TUT4: variants seen among roughly 807,000 people sequenced by gnomAD.
TUT4 encodes terminal uridylyltransferase 4.
Under a neutral mutation model 192.2 loss-of-function variants are expected in TUT4, and 36 were observed. The ratio of observed to expected loss-of-function variants is 0.19; its 90% confidence interval spans 0.14 to 0.25. The LOEUF is 0.25. Among genes scored for constraint, TUT4 ranks in the 10% least tolerant of loss-of-function variants. The pLI is 1.00. For synonymous variants in TUT4, 618 were observed against 666.0 expected, an observed-to-expected ratio of 0.93 and a Z score of 1.11; for missense variants, 1,493 against 1,957.2, an observed-to-expected ratio of 0.76 and a Z score of 4.47.
At chr1:52,461,415 CTTATACTGTTCACAT>C (rs1374170980) in intron 18 of TUT4, 83 bp downstream of exon 18, 1 of 1,302,670 alleles carries the variant, frequency 7.7e-7, no homozygotes, top group Non-Finnish European at 1.1e-6. Context: ...ATACTTTTTC[CTTATACTGTTCACAT>C]TTGAAAGTTT....
At chr1:52,535,645 C>T (rs866920371) in intron 1 of TUT4, among the ~76,000 whole-genome samples, 22 of 152,112 alleles carry the variant, frequency 1.4e-4, no homozygotes, top group Middle Eastern at 6.3e-3. Context: ...TCAGAAACTT[C>T]CCCAATCTGA....
chr1:52,525,232 A>G (rs934408203), intron 2 of TUT4, among the ~76,000 whole-genome samples: 4 of 152,218 alleles, frequency 2.6e-5, no homozygotes, highest in African/African-American at 9.6e-5. Flanking sequence ...ATATTTGGTG[A>G]ATGAATGAGC....
chr1:52,464,789 T>A (rs1663654186), intron 16 of TUT4, among the ~76,000 whole-genome samples: 1 of 152,148 alleles, frequency 6.6e-6, no homozygotes, highest in Admixed American at 6.5e-5. Flanking sequence ...AGTGAAAAAA[T>A]TCCAACTTCG....
At chr1:52,426,206 A>C (rs894412132) in intron 28 of TUT4, among the ~76,000 whole-genome samples, 1 of 152,112 alleles carries the variant, frequency 6.6e-6, no homozygotes, top group African/African-American at 2.4e-5. Flanking sequence ...TCTAAGCTCA[A>C]ATCTCATTTC....
At chr1:52,508,242 G>A (rs1026454930) in intron 4 of TUT4, among the ~76,000 whole-genome samples, 12 of 149,958 alleles carry the variant, frequency 8.0e-5, no homozygotes, top group Non-Finnish European at 1.8e-4. Context: ...CAGGGTAATC[G>A]CTTAAACCTG....
At chr1:52,544,535 T>A (rs1004153001) in intron 1 of TUT4, among the ~76,000 whole-genome samples, 5 of 152,030 alleles carry the variant, frequency 3.3e-5, no homozygotes, top group Non-Finnish European at 5.9e-5. Flanking sequence ...TCAAAATGGA[T>A]CAAAGACCTA....
intron 28 of TUT4, among the ~76,000 whole-genome samples, chr1:52,427,354 G>C (rs1650319427): frequency 6.6e-6 from 1 of 151,988 alleles, no homozygotes; most frequent in African/African-American, 2.4e-5. Flanking sequence ...CAAGCAGAAG[G>C]AACAACTTAG....
chr1:52,428,352 C>T (rs1357399235), intron 28 of TUT4, among the ~76,000 whole-genome samples: 2 of 151,902 alleles, frequency 1.3e-5, no homozygotes, highest in African/African-American at 2.4e-5. Context: ...TAGGGCCAGG[C>T]GCGGTGGCTC....
At chr1:52,483,930 G>C (rs1669133741) in intron 9 of TUT4, among the ~76,000 whole-genome samples, 1 of 152,192 alleles carries the variant, frequency 6.6e-6, no homozygotes, top group Non-Finnish European at 1.5e-5. Context: ...AGAGGCAGAA[G>C]TCCAGGAGTT....
At chr1:52,548,572 A>C (rs2149771598) in intron 1 of TUT4, among the ~76,000 whole-genome samples, 1 of 152,314 alleles carries the variant, frequency 6.6e-6, no homozygotes, top group African/African-American at 2.4e-5. Flanking sequence ...CAATCCTTCT[A>C]CATGGACTTT....
At chr1:52,534,862 C>G (rs1571394900) in intron 1 of TUT4, 1 of 152,078 alleles carries the variant, frequency 6.6e-6, no homozygotes, top group South Asian at 2.1e-4. Context: ...CACCCCGTCC[C>G]CAAAAAAATA....
intron 3 of TUT4, among the ~76,000 whole-genome samples, chr1:52,513,911 G>A (rs1038660284): frequency 1.3e-5 from 2 of 152,160 alleles, no homozygotes; most frequent in Non-Finnish European, 2.9e-5. Context: ...GCATAGGGCT[G>A]TTATGAGGAT....
chr1:52,444,572 G>C (rs757794263), intron 24 of TUT4, among the ~76,000 whole-genome samples: 11 of 150,996 alleles, frequency 7.3e-5, no homozygotes, highest in Non-Finnish European at 1.3e-4. Context: ...ATTAATCCTG[G>C]GTGTGTCTGT....
intron 7 of TUT4, among the ~76,000 whole-genome samples, chr1:52,491,558 C>T (rs918950235): frequency 6.6e-5 from 10 of 152,074 alleles, no homozygotes; most frequent in African/African-American, 1.4e-4. Context: ...CATGGTGGCA[C>T]GCGCCTGTAA....
intron 1 of TUT4, among the ~76,000 whole-genome samples, chr1:52,530,216 G>A (rs1020991127): frequency 1.4e-5 from 2 of 141,140 alleles, no homozygotes; most frequent in African/African-American, 5.4e-5. Context: ...CCGAGACCAC[G>A]CCATTGCACT....
At chr1:52,547,670 T>C (rs764483201) in intron 1 of TUT4, among the ~76,000 whole-genome samples, 4 of 152,158 alleles carry the variant, frequency 2.6e-5, no homozygotes, top group Non-Finnish European at 5.9e-5. Context: ...GGTATCTCCA[T>C]AGAAGGTAAT....
At position 52,461,760 on chromosome 1, in the gene TUT4, A is replaced by C. The variant is rs1406447647; in HGVS notation, c.3079T>G (p.Cys1027Gly). The C allele has an allele frequency of 7.2e-7, 1 of 1,393,446 alleles. No homozygotes were observed. The highest frequency in any genetic ancestry group is 1.5e-5 in the African/African-American group (1 of 68,390). The allele number at this position is 1,393,446 out of a possible 1,614,324, so 86.3% of individuals were successfully genotyped here. A position where few individuals can be genotyped will look rare whatever the true frequency, so the allele number is the denominator to read the frequency against. ...EGHENAEKLNCKEIIENLAKI... is the reference protein window; with the variant it reads ...EGHENAEKLNGKEIIENLAKI... ...GCCAAATTTTCAATTATTTCCTTAC[A>C]ATTTAATTTCTAAAAAACAAATCAA... The change falls in exon 17 of 30, where the codon TGT (cysteine) becomes GGT (glycine). Residue 1027 changes from cysteine to glycine, a missense_variant. Coordinates refer to ENST00000257177, the MANE Select transcript of TUT4 (RefSeq NM_001009881.3).
At chr1:52,481,955 T>C (rs1433952162) in intron 9 of TUT4, 32 bp from the exon 10 acceptor site, 1 of 1,436,258 alleles carries the variant, frequency 7.0e-7, no homozygotes, top group Non-Finnish European at 9.1e-7. Flanking sequence ...AGTACTACCA[T>C]TTAGCTTTCT....
At chr1:52,439,124 T>C (rs933387504) in intron 24 of TUT4, among the ~76,000 whole-genome samples, 1 of 146,168 alleles carries the variant, frequency 6.8e-6, no homozygotes, top group Non-Finnish European at 1.5e-5. Flanking sequence ...GAGGCTGAGA[T>C]GGGAGGACCA....
Sources: gnomAD v4.1 joint callset for allele counts (sites outside exome capture counted in the v4.1 genomes callset) on GRCh38, gnomAD v4.1.1 for gene constraint, MANE v1.5 for transcripts, NCBI Gene and HGNC (gene_info 2026-07-23, HGNC 2026-07-21) for gene names.